SNTN: variants seen among roughly 807,000 people sequenced by gnomAD.
The protein encoded by SNTN is sentan, cilia apical structure protein, also known as sentan.
Under a neutral mutation model 12.3 loss-of-function variants are expected in SNTN, and 13 were observed. The ratio of observed to expected loss-of-function variants is 1.05; its 90% confidence interval spans 0.69 to 1.67. The LOEUF is 1.67. Ranked by LOEUF, SNTN falls within the 40% of genes most tolerant of loss-of-function variation. The probability of loss-of-function intolerance (pLI) is 0.00; values close to 1 mark genes in which losing one functional copy is unlikely to be tolerated. For synonymous variants in SNTN, 69 were observed against 58.5 expected (o/e 1.18, Z -0.82); for missense variants, 189 against 169.8 (o/e 1.11, Z -0.63).
intron 3 of SNTN, among the ~76,000 whole-genome samples, chr3:63,660,133 G>A (rs1168211844): frequency 2.6e-5 from 4 of 152,144 alleles, no homozygotes; most frequent in African/African-American, 7.2e-5. Flanking sequence ...TAAAACAGAG[G>A]AACTATCTTG....
At chr3:63,663,864 G>A (rs1015770546) in intron 3 of SNTN, 73 bp from the exon 4 acceptor site, 8 of 1,524,050 alleles carry the variant, frequency 5.2e-6, no homozygotes, top group African/African-American at 1.4e-5. Flanking sequence ...AACAGACTAA[G>A]ACATTATTGT....
At chr3:63,657,669 A>C (rs1202693648) in intron 2 of SNTN, among the ~76,000 whole-genome samples, 1 of 152,196 alleles carries the variant, frequency 6.6e-6, no homozygotes, top group Non-Finnish European at 1.5e-5. Context: ...GCTAGACCAG[A>C]TGGAGTTCCC....
At chr3:63,657,874 C>T (rs946021865) in intron 2 of SNTN, among the ~76,000 whole-genome samples, 6 of 152,186 alleles carry the variant, frequency 3.9e-5, no homozygotes, top group African/African-American at 1.4e-4. Context: ...AAATATATAG[C>T]CTGGGCACTG....
At chr3:63,661,470 C>G (rs1700743641) in intron 3 of SNTN, among the ~76,000 whole-genome samples, 1 of 152,136 alleles carries the variant, frequency 6.6e-6, no homozygotes, top group Non-Finnish European at 1.5e-5. Flanking sequence ...AAGGGTACAA[C>G]TTTCTGTGAG....
chr3:63,660,198 A>G (rs1382425146), intron 3 of SNTN, among the ~76,000 whole-genome samples: 1 of 152,216 alleles, frequency 6.6e-6, no homozygotes, highest in Non-Finnish European at 1.5e-5. Flanking sequence ...TGAGATCTGA[A>G]GAATAAGCAG....
rs1700719493 is a variant in SNTN at position 63,659,667 on chromosome 3, T to G, written c.146-58T>G. ...TTCCCTTGGAAGACACAACAGCAGG[T>G]CTGGGGAAGGGTTATTTCTAACTCA... On this transcript the variant is annotated intron_variant, in intron 2 of 3. Transcript: ENST00000343837. 10 of 1,600,864 alleles carry G rather than the reference T, an allele frequency of 6.2e-6. No homozygotes were observed. In the Middle Eastern group the frequency reaches 6.7e-4, roughly 107 times the overall value.
chr3:63,656,944 G>C (rs576477163), intron 2 of SNTN, among the ~76,000 whole-genome samples: 90 of 152,158 alleles, frequency 5.9e-4, no homozygotes, highest in Non-Finnish European at 8.7e-4. Flanking sequence ...AGTGGGGGTT[G>C]ATACTAAGAC....
intron 2 of SNTN, 65 bp from the exon 3 acceptor site, chr3:63,659,660 C>T (rs897802622): frequency 1.9e-6 from 3 of 1,586,434 alleles, no homozygotes; most frequent in East Asian, 2.2e-5. Flanking sequence ...GAAGACACAA[C>T]AGCAGGTCTG....
chr3:63,661,458 T>C (rs554565283), intron 3 of SNTN, among the ~76,000 whole-genome samples: 1 of 152,272 alleles, frequency 6.6e-6, no homozygotes, highest in Admixed American at 6.5e-5. Context: ...GGGAGCTAAG[T>C]CAAGGGTACA....
At position 63,661,898 on chromosome 3, in the gene SNTN, C is replaced by T. The variant is rs944609472; in HGVS notation, c.285+2034C>T. Among the ~76,000 whole-genome samples, 4 of 152,132 alleles carry T rather than the reference C, an allele frequency of 2.6e-5. No individual in the cohort carries two copies. The South Asian group carries it at 8.3e-4, about 31-fold the overall frequency. On this transcript the variant is annotated intron_variant, in intron 3 of 3. Coordinates refer to ENST00000343837, the MANE Select transcript of SNTN (RefSeq NM_001080537.2). Reference sequence around the variant, plus strand: ...TATGAAAATGAAGAACTAATGGATGCACCATCTTGATGTAACTCATCATCC... The same window carrying T: ...TATGAAAATGAAGAACTAATGGATGTACCATCTTGATGTAACTCATCATCC...
rs4688176 is a variant in SNTN, at chr3:63,659,555, G to C, written c.146-170G>C. On this transcript the variant is annotated intron_variant, in intron 2 of 3. Transcript: ENST00000343837. ...TTGCTATTAAGGGACCTTTGTTCTCGGTTGTTTAAAGATGCAGGATTGGAA... is the reference window on the plus strand; with the variant it reads ...TTGCTATTAAGGGACCTTTGTTCTCCGTTGTTTAAAGATGCAGGATTGGAA... 0.17 allele frequency among the ~76,000 whole-genome samples: 25,935 copies of C among 152,006 alleles called. 2,261 individuals are homozygous for C. The highest frequency in any genetic ancestry group is 0.2 in the South Asian group (975 of 4,808).
Position 63,664,306 on chromosome 3 carries a change from A to G in SNTN, c.*211A>G, listed in dbSNP as rs559027263. ...TGATAAGGTCTCTGTGTGCTTTACAATAGGATAGATTTGATACCACTGAAT... is the reference window on the plus strand; with the variant it reads ...TGATAAGGTCTCTGTGTGCTTTACAGTAGGATAGATTTGATACCACTGAAT... On this transcript the variant is annotated 3_prime_UTR_variant, in exon 4 of 4. Transcript: ENST00000343837. 7.0e-5 allele frequency: 35 copies of G among 500,398 alleles called. No individual in the cohort carries two copies. The highest frequency in any genetic ancestry group is 4.7e-4 in the African/African-American group (24 of 51,120). The allele number at this position is 500,398 out of a possible 1,614,324, so 31.0% of individuals were successfully genotyped here.
At chr3:63,657,649 T>C (rs757886794) in intron 2 of SNTN, among the ~76,000 whole-genome samples, 7 of 152,186 alleles carry the variant, frequency 4.6e-5, no homozygotes, top group Non-Finnish European at 1.5e-5. Flanking sequence ...AGGAAAAGAA[T>C]GGGAAGTTGG....
At chr3:63,660,628 A>C (rs12487115) in intron 3 of SNTN, among the ~76,000 whole-genome samples, 25,918 of 152,132 alleles carry the variant, frequency 0.17, 2,262 homozygotes, top group South Asian at 0.2. Flanking sequence ...GATAGGAAAG[A>C]AAATGATGAC....
chr3:63,660,725 G>C (rs534551126), intron 3 of SNTN, among the ~76,000 whole-genome samples: 3 of 152,184 alleles, frequency 2.0e-5, no homozygotes, highest in African/African-American at 7.2e-5. Flanking sequence ...TTTGAGGTGG[G>C]ATGGAGGTAG....
In SNTN at chr3:63,663,991, A is replaced by G; in HGVS notation, c.340A>G (p.Thr114Ala). 1.2e-6 allele frequency: 2 copies of G among 1,614,080 alleles called. No individual in the cohort carries two copies. Among genetic ancestry groups the G allele is most frequent in the Non-Finnish European group, 1.7e-6 (2 of 1,179,996 alleles). ...GATCCTTTCTGAACTTGATGAGCAC[A>G]CAGAAAATAAGCTAGATTTTGAAGA... ...REILSELDEH[T>A]ENKLDFEDFM... The change falls in exon 4 of 4, where the codon ACA (threonine) becomes GCA (alanine). Residue 114 changes from threonine to alanine, a missense_variant. Transcript: ENST00000343837.
intron 2 of SNTN, among the ~76,000 whole-genome samples, chr3:63,657,746 G>A (rs985649506): frequency 6.6e-6 from 1 of 152,176 alleles, no homozygotes; most frequent in Non-Finnish European, 1.5e-5. Flanking sequence ...CCACAATCAC[G>A]ATGGGGATGC....
intron 2 of SNTN, among the ~76,000 whole-genome samples, chr3:63,658,529 C>T (rs1320306964): frequency 2.0e-5 from 3 of 151,342 alleles, no homozygotes; most frequent in Admixed American, 6.6e-5. Flanking sequence ...TTTGCTAGAT[C>T]GTAAGATCTA....
intron 2 of SNTN, among the ~76,000 whole-genome samples, chr3:63,656,372 T>C (rs1575749506): frequency 6.6e-6 from 1 of 152,110 alleles, no homozygotes; most frequent in South Asian, 2.1e-4. Context: ...ACAAAGAATA[T>C]ATAGTCCAAT....
Sources: gnomAD v4.1 joint callset for allele counts (sites outside exome capture counted in the v4.1 genomes callset) on GRCh38, gnomAD v4.1.1 for gene constraint, MANE v1.5 for transcripts, NCBI Gene and HGNC (gene_info 2026-07-23, HGNC 2026-07-21) for gene names.